The following PHLPP1 variants were observed in gnomAD, a reference collection of about 807,000 sequenced individuals.
PHLPP1 encodes PH domain leucine-rich repeat-containing protein phosphatase 1.
A neutral mutation model predicts 117.2 loss-of-function variants in PHLPP1; 42 were observed. That is an observed-to-expected ratio of 0.36 (90% CI 0.28 to 0.46). The LOEUF (loss-of-function observed/expected upper bound fraction) is 0.46, where lower values mean the gene tolerates loss of function less well. PHLPP1 is among the 20% of genes least tolerant of loss of function. The pLI is 1.00. For missense variants in PHLPP1, 2,084 were observed against 2,241.9 expected, an observed-to-expected ratio of 0.93 and a Z score of 1.42; for synonymous variants, 1,042 against 970.7, an observed-to-expected ratio of 1.07 and a Z score of -1.37.
chr18:62,978,854 C>T lies in PHLPP1; in HGVS notation c.4577C>T (p.Ser1526Phe), dbSNP rs1165078257. ...CMLHPICLSN[S>F]FQRQLSSATF... ...CTCCACCCCATCTGTCTGTCCAACT[C>T]CTTCCAGCGCCAGCTATCCAGCGCC... The change falls in exon 17 of 17, where the codon TCC becomes TTC. Residue 1526 changes from serine to phenylalanine, a missense_variant. This residue lies in a region of PHLPP1 where 1,365 missense variants were observed against 1,605.9 expected (regional missense o/e 0.85). Transcript: ENST00000262719. This position sits in a 1 kb window ranked among gnomAD's most constrained non-coding sequence, Gnocchi z 7.0. 2 of 1,607,302 alleles carry T rather than the reference C, an allele frequency of 1.2e-6. No individual in the cohort carries two copies. The highest frequency in any genetic ancestry group is 1.7e-6 in the Non-Finnish European group (2 of 1,176,988).
intron 12 of PHLPP1, among the ~76,000 whole-genome samples, chr18:62,949,560 GT>G (rs1910395766): frequency 6.6e-6 from 1 of 152,160 alleles, no homozygotes; most frequent in Non-Finnish European, 1.5e-5. Flanking sequence ...AATAAAATGA[GT>G]TTTTCAGAAT....
At chr18:62,858,182 C>T (rs1915544144) in intron 3 of PHLPP1, among the ~76,000 whole-genome samples, 1 of 152,082 alleles carries the variant, frequency 6.6e-6, no homozygotes, top group Non-Finnish European at 1.5e-5. Flanking sequence ...TCCTGCCCAG[C>T]CTTTCTCACC....
chr18:62,797,006 A>G (rs1281874140), intron 1 of PHLPP1, among the ~76,000 whole-genome samples: 2 of 152,234 alleles, frequency 1.3e-5, no homozygotes, highest in Non-Finnish European at 2.9e-5. Flanking sequence ...CAGAAGATAT[A>G]TAAATATTGC....
chr18:62,926,528 C>T (rs911307231), intron 10 of PHLPP1, among the ~76,000 whole-genome samples: 3 of 152,120 alleles, frequency 2.0e-5, no homozygotes, highest in African/African-American at 4.8e-5. Flanking sequence ...ATGGGCGAGT[C>T]CACCCTGCCA....
At chr18:62,829,915 T>C in intron 1 of PHLPP1, 120 bp from the exon 2 acceptor site, 1 of 634,412 alleles carries the variant, frequency 1.6e-6, no homozygotes, top group Non-Finnish European at 2.6e-6. Context: ...TAAATTAGAT[T>C]GAATTTATAA....
At chr18:62,917,060 A>G (rs907304109) in intron 9 of PHLPP1, among the ~76,000 whole-genome samples, 1 of 150,256 alleles carries the variant, frequency 6.7e-6, no homozygotes, top group Admixed American at 6.6e-5. Flanking sequence ...AGCCTTTTCT[A>G]TTTTCTCTGT....
At chr18:62,835,776 C>CTTTTTTT (rs747058557) in intron 2 of PHLPP1, among the ~76,000 whole-genome samples, 4 of 94,516 alleles carry the variant, frequency 4.2e-5, no homozygotes, top group Admixed American at 1.1e-4. Flanking sequence ...TCAACTGGTT[C>CTTTTTTT]TTTTTTTTTT....
At chr18:62,899,169 T>G (rs772996252) in intron 6 of PHLPP1, among the ~76,000 whole-genome samples, 2 of 152,194 alleles carry the variant, frequency 1.3e-5, no homozygotes, top group African/African-American at 2.4e-5. Context: ...ATGGGTTGTG[T>G]ACTATACATC....
chr18:62,978,587 G>A lies in PHLPP1; in HGVS notation c.4310G>A (p.Gly1437Asp). Residue 1437 changes from glycine (G) to aspartate (D), a missense_variant, in exon 17 of 17, where the codon GGT becomes GAT. Physicochemically the swap from Gly to Asp is moderately conservative, Grantham distance 94. This residue lies in a region of PHLPP1 where 1,365 missense variants were observed against 1,605.9 expected (regional missense o/e 0.85). Transcript: ENST00000262719. The surrounding 1 kb of genome is among the most constrained non-coding windows in gnomAD (Gnocchi z 7.0). ...DSFCCCELSA[G>D]GAVPPPSPGI... ...TTCTGCTGCTGCGAGCTCAGCGCCG[G>A]TGGGGCTGTGCCACCACCCAGTCCT... 1 of 1,613,628 alleles carries A rather than the reference G, an allele frequency of 6.2e-7. No homozygotes were observed. Among genetic ancestry groups the A allele is most frequent in the Non-Finnish European group, 8.5e-7 (1 of 1,179,686 alleles).
chr18:62,773,908 A>G (rs975553917), intron 1 of PHLPP1, among the ~76,000 whole-genome samples: 2 of 152,134 alleles, frequency 1.3e-5, no homozygotes, highest in African/African-American at 4.8e-5. Flanking sequence ...CCATCTTCTC[A>G]CTGTGTACTC....
chr18:62,792,868 CA>C (rs71160870), intron 1 of PHLPP1, among the ~76,000 whole-genome samples: 2,024 of 56,826 alleles, frequency 0.036, 23 homozygotes, highest in African/African-American at 0.11. Flanking sequence ...GCCTCTGTCT[CA>C]AAAAAAAAAA....
Position 62,716,840 on chromosome 18 carries a change from C to T in PHLPP1, c.1157C>T (p.Ala386Val). ...GAGCTCGAGGCCGACGCAGCCTCGG[C>T]CCCGACGGGGGTCCCGGGCCAGCCC... Reference protein sequence around the residue: ...SEELEADAASAPTGVPGQPRR... With the variant: ...SEELEADAASVPTGVPGQPRR... Residue 386 changes from alanine to valine, a missense_variant, in exon 1 of 17, where the codon GCC becomes GTC. Transcript: ENST00000262719. This position sits in a 1 kb window ranked among gnomAD's most constrained non-coding sequence, Gnocchi z 5.7. 2 of 1,524,500 alleles carry T rather than the reference C, an allele frequency of 1.3e-6. No homozygotes were observed. Among genetic ancestry groups the T allele is most frequent in the Non-Finnish European group, 1.8e-6 (2 of 1,141,738 alleles). 94.4% of individuals were successfully genotyped at this position (1,524,500 alleles called of 1,614,324 possible). A position where few individuals can be genotyped will look rare whatever the true frequency, so the allele number is the denominator to read the frequency against.
intron 1 of PHLPP1, among the ~76,000 whole-genome samples, chr18:62,796,397 T>C (rs953670886): frequency 2.0e-5 from 3 of 152,212 alleles, no homozygotes; most frequent in Non-Finnish European, 4.4e-5. Flanking sequence ...TTGGAATCCA[T>C]GTTTTGGAAC....
chr18:62,962,834 C>T (rs573406292), intron 13 of PHLPP1, among the ~76,000 whole-genome samples: 3 of 151,966 alleles, frequency 2.0e-5, no homozygotes, highest in South Asian at 4.2e-4. Flanking sequence ...TGGCTATACC[C>T]GTGAGGAGAG....
chr18:62,731,464 A>T (rs1211022591), intron 1 of PHLPP1: 1 of 151,618 alleles, frequency 6.6e-6, no homozygotes, highest in Non-Finnish European at 1.5e-5. Context: ...GTGTGTTTTG[A>T]CTCCTTGACC....
intron 1 of PHLPP1, among the ~76,000 whole-genome samples, chr18:62,727,959 T>C (rs1911124446): frequency 6.6e-6 from 1 of 152,096 alleles, no homozygotes; most frequent in African/African-American, 2.4e-5. Flanking sequence ...AAAATATTGC[T>C]TCTATGTGTA....
At chr18:62,819,492 CAA>C (rs1322726281) in intron 1 of PHLPP1, among the ~76,000 whole-genome samples, 1 of 151,968 alleles carries the variant, frequency 6.6e-6, no homozygotes, top group Non-Finnish European at 1.5e-5. Flanking sequence ...AAGTAGGAAA[CAA>C]AGAATAATAT....
chr18:62,974,185 A>C (rs888759686), intron 15 of PHLPP1, among the ~76,000 whole-genome samples: 2 of 152,222 alleles, frequency 1.3e-5, no homozygotes, highest in African/African-American at 4.8e-5. Context: ...TGCCTGTGAA[A>C]GGGAGAAAGT....
intron 16 of PHLPP1, among the ~76,000 whole-genome samples, chr18:62,976,435 GA>G (rs919900267): frequency 6.6e-6 from 1 of 152,180 alleles, no homozygotes; most frequent in African/African-American, 2.4e-5. Context: ...CAAAAGCAGG[GA>G]AGAGGCGAGG....
Sources: allele counts gnomAD v4.1 joint callset (sites outside exome capture counted in the v4.1 genomes callset), GRCh38; gene constraint gnomAD v4.1.1; regional missense constraint gnomAD v4.1.1; non-coding constraint Gnocchi (gnomAD v3.1); transcripts MANE v1.5; gene names NCBI Gene and HGNC (gene_info 2026-07-23, HGNC 2026-07-21).